The following SRP19 variants were observed in gnomAD, a reference collection of about 807,000 sequenced individuals.
SRP19 encodes the protein signal recognition particle 19.
In SRP19, 11 loss-of-function variants were observed where a neutral mutation model predicts 22.4. That is an observed-to-expected ratio of 0.49 (90% CI 0.31 to 0.81). The LOEUF (loss-of-function observed/expected upper bound fraction) is 0.81. Among genes scored for constraint, SRP19 ranks in the 40% least tolerant of loss-of-function variants. SRP19 has a pLI of 0.05. For synonymous variants in SRP19, 61 were observed against 57.6 expected, an observed-to-expected ratio of 1.06 and a Z score of -0.27; for missense variants, 168 against 175.9, an observed-to-expected ratio of 0.96 and a Z score of 0.25.
chr5:112,874,837 G>T (rs139142641), intron 4 of SRP19, among the ~76,000 whole-genome samples: 1 of 150,028 alleles, frequency 6.7e-6, no homozygotes, highest in Non-Finnish European at 1.5e-5. Context: ...TGCAAATGGC[G>T]TGATCTCGGC....
chr5:112,862,462 C>T lies in SRP19; in HGVS notation c.42-46C>T, dbSNP rs779452669. The T allele has an allele frequency of 1.3e-5, 21 of 1,566,142 alleles. No individual in the cohort carries two copies. The South Asian group carries it at 2.2e-4, about 17-fold the overall frequency. ...CCTGCCACCCGACCCTTTTCTCCTG[C>T]CTCTTACTGCTCTAGTGATACCACT... is the stretch of plus-strand genomic sequence containing the variant. On this transcript the variant is annotated intron_variant, in intron 1 of 4. Coordinates refer to ENST00000505459, the MANE Select transcript of SRP19 (RefSeq NM_003135.3).
chr5:112,878,712 C>A lies in SRP19; in HGVS notation c.302-12891C>A, dbSNP rs958173411. 3.5e-5 allele frequency: 55 copies of A among 1,568,654 alleles called. No homozygotes were observed. In the Admixed American group the frequency reaches 3.6e-4, roughly 10 times the overall value. ...AGGCAACATTATTAAAATAATTATA[C>A]CACAGTCCCTAATATAACATCAAGC... On this transcript the variant is annotated intron_variant, in intron 4 of 4. Coordinates refer to the SRP19 transcript ENST00000391338.
intron 4 of SRP19, among the ~76,000 whole-genome samples, chr5:112,888,157 C>A (rs1268565005): frequency 9.5e-6 from 1 of 104,904 alleles, no homozygotes; most frequent in Non-Finnish European, 1.8e-5. Flanking sequence ...CTTAATTTCT[C>A]ATGCTTTAAA....
At position 112,869,313 on chromosome 5, in the gene SRP19, A is replaced by G. The variant is rs1048661127; in HGVS notation, c.*1776A>G. ...GGAAGAAAAGGTAGCTGTGCCAGCC[A>G]CTTCTGGCAAGCAGTTCTCCCACCT... is the stretch of plus-strand genomic sequence containing the variant. On this transcript the variant is annotated 3_prime_UTR_variant, in exon 5 of 5. Coordinates refer to ENST00000505459, the MANE Select transcript of SRP19 (RefSeq NM_003135.3). The G allele has an allele frequency of 6.6e-6, 1 of 152,226 alleles. No individual in the cohort carries two copies. The highest frequency in any genetic ancestry group is 1.5e-5 in the Non-Finnish European group (1 of 68,058). The allele number at this position is 152,226 out of a possible 1,614,324, so 9.4% of individuals were successfully genotyped here.
In SRP19 at chr5:112,861,463, T is replaced by C. The variant is rs755032235; in HGVS notation, c.41+46T>C. 4 of 1,601,204 alleles carry C rather than the reference T, an allele frequency of 2.5e-6. No individual in the cohort carries two copies. The African/African-American group carries it at 5.4e-5, about 22-fold the overall frequency. On this transcript the variant is annotated intron_variant, in intron 1 of 4. Coordinates refer to ENST00000505459, the MANE Select transcript of SRP19 (RefSeq NM_003135.3). ...TCCTCCGAAAGGAAGGGGCTTGCTGTGGTGCTGCAGGTGCTACACCGCGCT... is the reference window on the plus strand; with the variant it reads ...TCCTCCGAAAGGAAGGGGCTTGCTGCGGTGCTGCAGGTGCTACACCGCGCT...
chr5:112,889,299 T>G (rs187516038), intron 4 of SRP19, among the ~76,000 whole-genome samples: 1 of 150,924 alleles, frequency 6.6e-6, no homozygotes, highest in Admixed American at 6.6e-5. Context: ...AAACTATAGC[T>G]GTATGCTTAA....
At chr5:112,896,789 C>G (rs766446659), downstream of SRP19, 1 of 151,560 alleles carries the variant, frequency 6.6e-6, no homozygotes, top group Non-Finnish European at 1.5e-5. Flanking sequence ...AAAAATTAGC[C>G]GGGCGTGGTT....
downstream of SRP19, chr5:112,893,467 T>C (rs2150040678): frequency 6.1e-6 from 1 of 164,354 alleles, no homozygotes; most frequent in Non-Finnish European, 1.3e-5. Flanking sequence ...TATCAGACCA[T>C]TCAATCCAAT....
chr5:112,892,790 G>T, exon 5 of SRP19: 4 of 1,614,034 alleles, frequency 2.5e-6, no homozygotes, highest in Non-Finnish European at 3.4e-6. Flanking sequence ...AGGCAGCGGG[G>T]AAGGAGAAAC....
intron 4 of SRP19, among the ~76,000 whole-genome samples, chr5:112,880,619 T>A (rs1343088548): frequency 6.6e-6 from 1 of 152,250 alleles, no homozygotes; most frequent in Non-Finnish European, 1.5e-5. Flanking sequence ...GAGAAAAGTC[T>A]AAAATGTGGC....
chr5:112,885,056 A>G (rs1316741335), intron 4 of SRP19: 1 of 153,922 alleles, frequency 6.5e-6, no homozygotes, highest in Non-Finnish European at 1.4e-5. Context: ...AGCATACTGA[A>G]CCGATCAATC....
At chr5:112,866,390 A>G (rs373970353) in intron 4 of SRP19, among the ~76,000 whole-genome samples, 1 of 152,188 alleles carries the variant, frequency 6.6e-6, no homozygotes, top group Admixed American at 6.5e-5. Flanking sequence ...TGTTGGGATT[A>G]TAGGCGTGAG....
At chr5:112,890,865 T>C (rs1206987793) in intron 4 of SRP19, among the ~76,000 whole-genome samples, 1 of 150,742 alleles carries the variant, frequency 6.6e-6, no homozygotes, top group Non-Finnish European at 1.5e-5. Context: ...GTTTTTCCTC[T>C]ATAAAATAGG....
Position 112,861,342 on chromosome 5 carries a change from C to T in SRP19, c.-35C>T, listed in dbSNP as rs778833587. 3.1e-6 allele frequency: 5 copies of T among 1,613,986 alleles called. No homozygotes were observed. Among genetic ancestry groups the T allele is most frequent in the East Asian group, 2.2e-5 (1 of 44,866 alleles). The stretch of plus-strand genomic sequence containing the variant: ...CTCCCGGGTTTCTGCCGGGTTTCTC[C>T]CTGCGGCTCCTGGGTTGTTGAGACT... On this transcript the variant is annotated 5_prime_UTR_variant, in exon 1 of 5. Transcript: ENST00000505459.
downstream of SRP19, chr5:112,893,655 G>A (rs972696003): frequency 6.6e-6 from 1 of 152,558 alleles, no homozygotes; most frequent in Admixed American, 6.5e-5. Context: ...ACTCAGACTA[G>A]CATCTAGTAG....
downstream of SRP19, chr5:112,897,120 A>C (rs949225795): frequency 4.6e-5 from 7 of 152,196 alleles, no homozygotes; most frequent in Admixed American, 2.0e-4. Context: ...AAATACTCAG[A>C]ATACTGTGTT....
chr5:112,891,540 T>C, intron 4 of SRP19: 8 of 1,486,626 alleles, frequency 5.4e-6, no homozygotes, highest in Non-Finnish European at 7.3e-6. Context: ...AAACATAAAA[T>C]ATTCATAAGT....
chr5:112,861,288 G>T lies in SRP19; in HGVS notation c.-89G>T. The T allele has an allele frequency of 1.4e-6, 2 of 1,479,218 alleles. No homozygotes were observed. Among genetic ancestry groups the T allele is most frequent in the African/African-American group, 1.4e-5 (1 of 71,850 alleles). The allele number at this position is 1,479,218 out of a possible 1,614,324, so 91.6% of individuals were successfully genotyped here. A position where few individuals can be genotyped will look rare whatever the true frequency, so the allele number is the denominator to read the frequency against. ...GGGCAGGACTTCCGGCGGAAAAGCG[G>T]GCTGTCTCGGAAACTCAGAGCCGGG... is the stretch of plus-strand genomic sequence containing the variant. On this transcript the variant is annotated 5_prime_UTR_variant, in exon 1 of 5. Transcript: ENST00000505459.
intron 4 of SRP19, among the ~76,000 whole-genome samples, chr5:112,891,157 C>G (rs972382039): frequency 6.6e-6 from 1 of 151,858 alleles, no homozygotes; most frequent in African/African-American, 2.4e-5. Context: ...ACTGCAACCT[C>G]TGCCTCCTGG....
Sources: gnomAD v4.1 joint callset for allele counts (sites outside exome capture counted in the v4.1 genomes callset) on GRCh38, gnomAD v4.1.1 for gene constraint, MANE v1.5 for transcripts, NCBI Gene and HGNC (gene_info 2026-07-23, HGNC 2026-07-21) for gene names.